Variants in GPC6 observed in about 807,000 individuals in gnomAD.
The protein encoded by GPC6 is glypican-6.
Under a neutral mutation model 55.2 loss-of-function variants are expected in GPC6, and 14 were observed. The observed-to-expected ratio is 0.25, with a 90% confidence interval of 0.17 to 0.40. The LOEUF (loss-of-function observed/expected upper bound fraction) is 0.40. Among genes scored for constraint, GPC6 ranks in the 10% least tolerant of loss-of-function variants. GPC6 has a pLI of 1.00. For missense variants in GPC6, 641 were observed against 708.5 expected (o/e 0.90, Z 1.08); for synonymous variants, 278 against 259.6 (o/e 1.07, Z -0.68).
intron 4 of GPC6, among the ~76,000 whole-genome samples, chr13:94,097,273 C>T (rs1365880316): frequency 1.3e-5 from 2 of 151,804 alleles, no homozygotes; most frequent in Non-Finnish European, 2.9e-5. Context: ...GAGGCCGAGG[C>T]GGGTGGATCA....
At chr13:94,268,790 G>C (rs185014202) in intron 4 of GPC6, among the ~76,000 whole-genome samples, 67 of 152,290 alleles carry the variant, frequency 4.4e-4, no homozygotes, top group African/African-American at 1.6e-3. Context: ...AGACAACAAA[G>C]ATTTCCCTCA....
At chr13:93,662,430 G>A (rs965490843) in intron 2 of GPC6, among the ~76,000 whole-genome samples, 3 of 152,146 alleles carry the variant, frequency 2.0e-5, no homozygotes, top group Admixed American at 2.0e-4. Flanking sequence ...AGGAGTTTGA[G>A]ACCAGCCTGG....
At chr13:93,423,592 G>T (rs562234675) in intron 1 of GPC6, among the ~76,000 whole-genome samples, 1 of 151,794 alleles carries the variant, frequency 6.6e-6, no homozygotes, top group Non-Finnish European at 1.5e-5. Context: ...TTTTTTCCGC[G>T]GTTGCTAAGT....
At chr13:93,349,798 A>G (rs975609206) in intron 1 of GPC6, among the ~76,000 whole-genome samples, 1 of 152,152 alleles carries the variant, frequency 6.6e-6, no homozygotes, top group South Asian at 2.1e-4. Flanking sequence ...AATATGTTGC[A>G]AATATATTTG....
intron 2 of GPC6, among the ~76,000 whole-genome samples, chr13:93,720,084 A>G (rs1282968690): frequency 6.6e-6 from 1 of 152,136 alleles, no homozygotes; most frequent in Non-Finnish European, 1.5e-5. Context: ...TATCAGGATG[A>G]TGCTGGCCTC....
chr13:93,864,623 T>C (rs1371691385), intron 3 of GPC6, among the ~76,000 whole-genome samples: 1 of 151,798 alleles, frequency 6.6e-6, no homozygotes, highest in Admixed American at 6.6e-5. Context: ...CCACTTGCTC[T>C]GTGCCAGGTA....
chr13:94,227,397 T>C (rs984449823), intron 4 of GPC6, among the ~76,000 whole-genome samples: 1 of 152,170 alleles, frequency 6.6e-6, no homozygotes, highest in African/African-American at 2.4e-5. Flanking sequence ...TTAAATTAAA[T>C]GGATTATTGC....
At chr13:93,216,536 C>T in the GPC6 span, among the ~76,000 whole-genome samples, 33 of 151,684 alleles carry the variant, frequency 2.2e-4, no homozygotes, top group Admixed American at 2.1e-3. Context: ...TTCACACACA[C>T]TCTTGTGTGT....
chr13:93,719,757 C>A (rs1883385662), intron 2 of GPC6, among the ~76,000 whole-genome samples: 1 of 151,964 alleles, frequency 6.6e-6, no homozygotes, highest in Non-Finnish European at 1.5e-5. Context: ...AGATACGATC[C>A]ATTGATACCT....
At chr13:93,739,357 G>A (rs967902661) in intron 2 of GPC6, among the ~76,000 whole-genome samples, 1 of 151,832 alleles carries the variant, frequency 6.6e-6, no homozygotes, top group African/African-American at 2.4e-5. Flanking sequence ...ATGTATTAAA[G>A]CTCAAAAGAA....
At chr13:94,259,199 AG>A (rs1891587585) in intron 4 of GPC6, among the ~76,000 whole-genome samples, 1 of 152,198 alleles carries the variant, frequency 6.6e-6, no homozygotes, top group African/African-American at 2.4e-5. Flanking sequence ...CCTTCCCAGA[AG>A]CCCCGAGCAA....
At chr13:93,464,286 T>C (rs1025342430) in intron 1 of GPC6, among the ~76,000 whole-genome samples, 2 of 152,198 alleles carry the variant, frequency 1.3e-5, no homozygotes, top group Non-Finnish European at 2.9e-5. Flanking sequence ...GTTTGTTGCA[T>C]TGATTGGCTC....
At chr13:94,087,220 T>C (rs969748067) in intron 4 of GPC6, among the ~76,000 whole-genome samples, 2 of 152,214 alleles carry the variant, frequency 1.3e-5, no homozygotes, top group Non-Finnish European at 2.9e-5. Context: ...AATTCTGCCT[T>C]TCATATTTGG....
At chr13:93,896,882 T>C (rs1002850781) in intron 3 of GPC6, among the ~76,000 whole-genome samples, 5 of 151,724 alleles carry the variant, frequency 3.3e-5, no homozygotes, top group African/African-American at 1.2e-4. Flanking sequence ...GTAAAACACC[T>C]GTGGGCGTCT....
chr13:93,949,260 A>T (rs563716184), intron 3 of GPC6, among the ~76,000 whole-genome samples: 41 of 152,356 alleles, frequency 2.7e-4, no homozygotes, highest in African/African-American at 9.6e-4. Context: ...TACAATTTAG[A>T]TAATGAAGCA....
At chr13:93,567,141 C>T (rs1876164941) in intron 2 of GPC6, among the ~76,000 whole-genome samples, 1 of 152,160 alleles carries the variant, frequency 6.6e-6, no homozygotes, top group Non-Finnish European at 1.5e-5. Flanking sequence ...AATTGCCACG[C>T]TGTCTTCCAC....
intron 3 of GPC6, among the ~76,000 whole-genome samples, chr13:93,863,550 A>C (rs1249427847): frequency 6.6e-6 from 1 of 151,694 alleles, no homozygotes; most frequent in East Asian, 2.0e-4. Flanking sequence ...ATTATCTGTT[A>C]ATGAAAACAG....
At chr13:94,112,658 TA>T (rs879442296) in intron 4 of GPC6, among the ~76,000 whole-genome samples, 7 of 152,192 alleles carry the variant, frequency 4.6e-5, no homozygotes, top group Admixed American at 6.5e-5. Context: ...TTTAAGGTGT[TA>T]TTTTTTTGTT....
chr13:93,713,331 C>A (rs867350342), intron 2 of GPC6, among the ~76,000 whole-genome samples: 5 of 151,276 alleles, frequency 3.3e-5, no homozygotes, highest in Non-Finnish European at 5.9e-5. Context: ...AAATAGAAAA[C>A]AACAAAGTAA....
Sources: allele counts gnomAD v4.1 joint callset (sites outside exome capture counted in the v4.1 genomes callset), GRCh38; gene constraint gnomAD v4.1.1; transcripts MANE v1.5; gene names NCBI Gene and HGNC (gene_info 2026-07-23, HGNC 2026-07-21).